GRIP1: variants seen among roughly 807,000 people sequenced by gnomAD.
GRIP1 encodes glutamate receptor interacting protein 1, also known as glutamate receptor-interacting protein 1.
A neutral mutation model predicts 129.9 loss-of-function variants in GRIP1; 45 were observed. That is an observed-to-expected ratio of 0.35 (90% CI 0.27 to 0.44). GRIP1 has a LOEUF of 0.44. Ranked by LOEUF, GRIP1 falls within the 20% of genes least tolerant of loss-of-function variation. GRIP1 has a pLI of 1.00. For synonymous variants in GRIP1, 530 were observed against 520.8 expected (o/e 1.02, Z -0.24); for missense variants, 1,196 against 1,396.8 (o/e 0.86, Z 2.29).
intron 1 of GRIP1, among the ~76,000 whole-genome samples, chr12:66,755,499 A>C (rs1165320303): frequency 6.6e-6 from 1 of 152,272 alleles, no homozygotes; most frequent in Non-Finnish European, 1.5e-5. Context: ...CATTAGCACA[A>C]AAAAGGATAG....
At chr12:66,351,556 G>GTTTTT (rs72111092) in intron 24 of GRIP1, among the ~76,000 whole-genome samples, 1 of 49,422 alleles carries the variant, frequency 2.0e-5, no homozygotes. Flanking sequence ...CAGGAAGGTG[G>GTTTTT]TTTTTTTTTT....
intron 13 of GRIP1, among the ~76,000 whole-genome samples, chr12:66,437,108 T>C (rs1469555141): frequency 6.6e-6 from 1 of 152,166 alleles, no homozygotes; most frequent in Non-Finnish European, 1.5e-5. Context: ...TCCAAAGGTT[T>C]GGGAATTAAT....
At chr12:66,603,026 T>C (rs955421626) in intron 1 of GRIP1, among the ~76,000 whole-genome samples, 3 of 151,696 alleles carry the variant, frequency 2.0e-5, no homozygotes, top group African/African-American at 7.3e-5. Flanking sequence ...CCTGACTTTT[T>C]TAAAATTATT....
At chr12:67,049,658 C>T (rs1184952307) in intron 1 of GRIP1, among the ~76,000 whole-genome samples, 2 of 151,360 alleles carry the variant, frequency 1.3e-5, no homozygotes, top group Non-Finnish European at 2.9e-5. Context: ...CAGCAAACCA[C>T]CATGGCACAT....
intron 1 of GRIP1, among the ~76,000 whole-genome samples, chr12:66,969,855 T>C (rs185249458): frequency 2.0e-5 from 3 of 152,330 alleles, no homozygotes; most frequent in Non-Finnish European, 4.4e-5. Flanking sequence ...TTTCTGTTAC[T>C]GTGTTTCTAA....
At chr12:66,716,801 G>A (rs2035903816) in intron 1 of GRIP1, among the ~76,000 whole-genome samples, 2 of 151,976 alleles carry the variant, frequency 1.3e-5, no homozygotes, top group Admixed American at 6.6e-5. Context: ...CAGGTGGGAG[G>A]CTTAAATTCC....
chr12:66,439,989 C>T (rs1353965443), intron 13 of GRIP1, among the ~76,000 whole-genome samples: 2 of 152,294 alleles, frequency 1.3e-5, no homozygotes, highest in African/African-American at 4.8e-5. Context: ...TATCCTTTTA[C>T]AGCTTCTGGT....
At chr12:66,735,455 C>T (rs1163167334) in intron 1 of GRIP1, among the ~76,000 whole-genome samples, 2 of 152,108 alleles carry the variant, frequency 1.3e-5, no homozygotes, top group Non-Finnish European at 2.9e-5. Flanking sequence ...CCAGTGACAG[C>T]GGTGGCAGGG....
At chr12:66,918,993 C>G (rs1192355059) in intron 1 of GRIP1, among the ~76,000 whole-genome samples, 1 of 152,046 alleles carries the variant, frequency 6.6e-6, no homozygotes, top group Non-Finnish European at 1.5e-5. Flanking sequence ...ATGAATGGTT[C>G]AGAAATGAGT....
intron 1 of GRIP1, among the ~76,000 whole-genome samples, chr12:66,850,068 T>C (rs1164206434): frequency 6.6e-6 from 1 of 152,148 alleles, no homozygotes; most frequent in African/African-American, 2.4e-5. Context: ...TACTTACACT[T>C]TATAACCCAG....
At chr12:66,698,125 A>G (rs143440981) in intron 1 of GRIP1, among the ~76,000 whole-genome samples, 1 of 152,220 alleles carries the variant, frequency 6.6e-6, no homozygotes, top group East Asian at 1.9e-4. Context: ...AATGGAGCAC[A>G]TTGCTAAATG....
At chr12:66,913,849 T>C (rs1411881418) in intron 1 of GRIP1, among the ~76,000 whole-genome samples, 1 of 152,210 alleles carries the variant, frequency 6.6e-6, no homozygotes. Context: ...TATCATTTAA[T>C]GTTAAAAATA....
At chr12:66,930,818 CA>C (rs1471832429) in intron 1 of GRIP1, among the ~76,000 whole-genome samples, 1 of 152,062 alleles carries the variant, frequency 6.6e-6, no homozygotes, top group Non-Finnish European at 1.5e-5. Flanking sequence ...ATGTGTTGAC[CA>C]AACAAGTGAT....
chr12:66,438,588 C>T (rs1476584881), intron 13 of GRIP1, among the ~76,000 whole-genome samples: 3 of 151,664 alleles, frequency 2.0e-5, no homozygotes, highest in Non-Finnish European at 2.9e-5. Context: ...CTCCACCTCC[C>T]GGGTTCAAGT....
At chr12:67,063,487 A>G (rs2043570034) in intron 1 of GRIP1, among the ~76,000 whole-genome samples, 1 of 152,200 alleles carries the variant, frequency 6.6e-6, no homozygotes, top group South Asian at 2.1e-4. Context: ...ATTTATATTT[A>G]AGAATCTTTT....
At chr12:66,581,424 T>C (rs1435561776) in intron 2 of GRIP1, among the ~76,000 whole-genome samples, 2 of 149,800 alleles carry the variant, frequency 1.3e-5, no homozygotes, top group African/African-American at 2.5e-5. Flanking sequence ...TTGAAGGAAA[T>C]AGAGACACAA....
At chr12:66,804,251 G>C (rs924676392), upstream of GRIP1, 2 of 393,792 alleles carry the variant, frequency 5.1e-6, no homozygotes, top group Non-Finnish European at 1.0e-5. Context: ...GCTGCTCTGC[G>C]AGCCGGTGGA....
intron 2 of GRIP1, among the ~76,000 whole-genome samples, chr12:66,558,583 G>A (rs1334142674): frequency 1.3e-5 from 2 of 152,062 alleles, no homozygotes; most frequent in Non-Finnish European, 2.9e-5. Context: ...TAGAAGAAAT[G>A]TATAAATTCC....
intron 1 of GRIP1, among the ~76,000 whole-genome samples, chr12:66,815,858 C>CTTTCTTTCTT (rs1477155577): frequency 1.1e-3 from 60 of 56,414 alleles, no homozygotes; most frequent in East Asian, 5.5e-3. Context: ...CTTTCTTTCT[C>CTTTCTTTCTT]TCTCTCTCTC....
Sources: allele counts gnomAD v4.1 joint callset (sites outside exome capture counted in the v4.1 genomes callset), GRCh38; gene constraint gnomAD v4.1.1; transcripts MANE v1.5; gene names NCBI Gene and HGNC (gene_info 2026-07-23, HGNC 2026-07-21).